Variants in HTT observed in about 807,000 individuals in gnomAD.
HTT encodes the protein huntington disease protein.
Under a neutral mutation model 362.3 loss-of-function variants are expected in HTT, and 104 were observed. That is an observed-to-expected ratio of 0.29 (90% CI 0.24 to 0.34). The LOEUF (loss-of-function observed/expected upper bound fraction) is 0.34, where lower values mean the gene tolerates loss of function less well. Ranked by LOEUF, HTT falls within the 10% of genes least tolerant of loss-of-function variation. The pLI is 1.00. For synonymous variants in HTT, 1,577 were observed against 1,548.7 expected (o/e 1.02, Z -0.43); for missense variants, 3,301 against 3,928.6 (o/e 0.84, Z 4.27).
At chr4:3,158,903 A>G (rs6839274) in intron 28 of HTT, among the ~76,000 whole-genome samples, 26,499 of 151,858 alleles carry the variant, frequency 0.17, 3,410 homozygotes, top group African/African-American at 0.37. Flanking sequence ...AGTGCTTGCT[A>G]TCTGTTTATT....
chr4:3,111,448 C>A (rs1383722850), intron 6 of HTT, among the ~76,000 whole-genome samples: 1 of 152,156 alleles, frequency 6.6e-6, no homozygotes, highest in Non-Finnish European at 1.5e-5. Flanking sequence ...CCTGCCTTGG[C>A]CTCCGAAAGT....
chr4:3,133,211 C>T (rs1461826489), intron 18 of HTT, among the ~76,000 whole-genome samples: 6 of 151,688 alleles, frequency 4.0e-5, no homozygotes, highest in Non-Finnish European at 7.4e-5. Flanking sequence ...ATGCTGGGCA[C>T]GGTGACTCAC....
intron 65 of HTT, 42 bp from the exon 66 acceptor site, chr4:3,238,775 TC>T: frequency 3.9e-6 from 5 of 1,296,712 alleles, no homozygotes; most frequent in African/African-American, 1.6e-5. Context: ...GTGCTTCCCG[TC>T]CCCCCAGCCC....
chr4:3,138,065 G>GTTCCTTCCTTCCTTCC (rs57986232), intron 21 of HTT, among the ~76,000 whole-genome samples: 2 of 145,498 alleles, frequency 1.4e-5, no homozygotes, highest in Non-Finnish European at 1.5e-5. Context: ...ACATACCATT[G>GTTCCTTCCTTCCTTCC]TTCCTTCCTT....
rs759214847 is a variant in HTT, at chr4:3,223,427, A to G, written c.7492A>G (p.Ile2498Val). Reference sequence around the variant, plus strand: ...CCAGGAAGACACAGAGAGGACCCAGATCAACGTCCTGGCCGTGCAGGCCAT... The same window carrying G: ...CCAGGAAGACACAGAGAGGACCCAGGTCAACGTCCTGGCCGTGCAGGCCAT... ...PPEEDTERTQ[I>V]NVLAVQAITS... Residue 2498 changes from isoleucine to valine, a missense_variant, in exon 55 of 67, where the codon ATC (isoleucine) becomes GTC (valine). Physicochemically the swap from Ile to Val is conservative, Grantham distance 29. Coordinates refer to ENST00000355072, the MANE Select transcript of HTT (RefSeq NM_001388492.1). The G allele has an allele frequency of 6.2e-7, 1 of 1,600,788 alleles. No homozygotes were observed. Among genetic ancestry groups the G allele is most frequent in the South Asian group, 1.1e-5 (1 of 89,418 alleles).
intron 29 of HTT, among the ~76,000 whole-genome samples, chr4:3,167,822 G>T (rs1717786378): frequency 1.3e-5 from 2 of 152,130 alleles, no homozygotes; most frequent in South Asian, 2.1e-4. Flanking sequence ...TTTACATTTG[G>T]CATAAGAATA....
intron 3 of HTT, among the ~76,000 whole-genome samples, chr4:3,100,187 C>G (rs2110156293): frequency 6.6e-6 from 1 of 152,200 alleles, no homozygotes; most frequent in East Asian, 1.9e-4. Flanking sequence ...AAAATGGGAT[C>G]AATGTTTTTG....
chr4:3,178,461 C>T lies in HTT; in HGVS notation c.4612+15C>T. On this transcript the variant is annotated intron_variant, in intron 35 of 66. Transcript: ENST00000355072. ...TGTGACACATGGTAACGGGACACAC[C>T]TTTCACTGTCGTCTTCGGTGTCGTG... The T allele has an allele frequency of 1.2e-6, 2 of 1,611,388 alleles. No individual in the cohort carries two copies. The highest frequency in any genetic ancestry group is 1.7e-6 in the Non-Finnish European group (2 of 1,178,752).
intron 12 of HTT, chr4:3,128,439 T>A (rs182890479): frequency 1.3e-5 from 2 of 152,326 alleles, no homozygotes; most frequent in African/African-American, 4.8e-5. Flanking sequence ...GTTGATTATA[T>A]GAACTCTGCT....
At chr4:3,103,296 C>G (rs1305819157) in intron 3 of HTT, among the ~76,000 whole-genome samples, 1 of 137,050 alleles carries the variant, frequency 7.3e-6, no homozygotes, top group Non-Finnish European at 1.5e-5. Context: ...GTGATCTTGG[C>G]TCACTGCAAC....
At chr4:3,178,045 C>T (rs188828522) in intron 34 of HTT, among the ~76,000 whole-genome samples, 214 of 152,284 alleles carry the variant, frequency 1.4e-3, no homozygotes, top group Non-Finnish European at 2.1e-3. Flanking sequence ...CTAGGAAGAT[C>T]GTAGCTGCTG....
intron 46 of HTT, 42 bp from the exon 47 acceptor site, chr4:3,209,785 C>G (rs763699202): frequency 2.4e-5 from 38 of 1,608,028 alleles, no homozygotes; most frequent in Non-Finnish European, 3.2e-5. Context: ...TCCCCTTGAA[C>G]GCCGCCCATC....
chr4:3,107,033 A>G (rs1331051777), intron 5 of HTT, among the ~76,000 whole-genome samples: 1 of 152,244 alleles, frequency 6.6e-6, no homozygotes, highest in East Asian at 1.9e-4. Flanking sequence ...TTTAAGAAGT[A>G]TTATGATTTA....
At chr4:3,225,155 G>T (rs569502816) in intron 56 of HTT, among the ~76,000 whole-genome samples, 1 of 152,042 alleles carries the variant, frequency 6.6e-6, no homozygotes, top group South Asian at 2.1e-4. Context: ...CCTGGGGCGT[G>T]GGGGGGTGTG....
intron 53 of HTT, 36 bp downstream of exon 53, chr4:3,220,344 C>T (rs370177554): frequency 2.6e-5 from 42 of 1,596,692 alleles, no homozygotes; most frequent in African/African-American, 1.5e-4. Context: ...TCACCATTGT[C>T]GGACATCTAC....
chr4:3,154,362 C>T lies in HTT; in HGVS notation c.3568C>T (p.Pro1190Ser), dbSNP rs1204551204. Residue 1190 changes from proline to serine, a missense_variant, in exon 27 of 67, where the codon CCA (proline) becomes TCA (serine). Physicochemically the swap from Pro to Ser is moderately conservative, Grantham distance 74. This residue lies in a region of HTT where 2,316 missense variants were observed against 2,658.5 expected (regional missense o/e 0.87). Transcript: ENST00000355072. Reference sequence around the variant, plus strand: ...CCGACGAAAGGGGAAGGAGAAAGAACCAGGAGAACAAGCATCTGTACCGTT... The same window carrying T: ...CCGACGAAAGGGGAAGGAGAAAGAATCAGGAGAACAAGCATCTGTACCGTT... ...PIRRKGKEKE[P>S]GEQASVPLSP... 3 of 1,613,582 alleles carry T rather than the reference C, an allele frequency of 1.9e-6. No homozygotes were observed. Among genetic ancestry groups the T allele is most frequent in the Non-Finnish European group, 2.5e-6 (3 of 1,179,852 alleles).
Position 3,116,177 on chromosome 4 carries a change from C to T in HTT, c.982C>T (p.Gln328Ter). The change falls in exon 8 of 67, where the codon CAG becomes TAG. Residue 328 changes from glutamine to a stop codon, truncating the protein, a stop_gained. Coordinates refer to ENST00000355072, the MANE Select transcript of HTT (RefSeq NM_001388492.1). LOFTEE classifies it high-confidence loss of function. ...GTATTTGGTGCCCTTGCTGCAGCAG[C>T]AGGTCAAGGACACAAGCCTGAAAGG... ...LRYLVPLLQQQVKDTSLKGSF... is the reference protein window; with the variant it reads ...LRYLVPLLQQ The T allele has an allele frequency of 6.2e-7, 1 of 1,613,894 alleles. No homozygotes were observed. Among genetic ancestry groups the T allele is most frequent in the Non-Finnish European group, 8.5e-7 (1 of 1,179,784 alleles).
At chr4:3,192,466 C>T (rs1436986001) in intron 40 of HTT, among the ~76,000 whole-genome samples, 11 of 152,162 alleles carry the variant, frequency 7.2e-5, no homozygotes, top group Admixed American at 5.2e-4. Context: ...GTTCTCAGCC[C>T]CTCAAGTAGG....
At chr4:3,162,641 A>G (rs1299673920) in intron 29 of HTT, among the ~76,000 whole-genome samples, 1 of 152,152 alleles carries the variant, frequency 6.6e-6, no homozygotes, top group Non-Finnish European at 1.5e-5. Context: ...GGTCCTTCAC[A>G]TCCCTTGTAA....
Sources: gnomAD v4.1 joint callset for allele counts (sites outside exome capture counted in the v4.1 genomes callset) on GRCh38, gnomAD v4.1.1 for gene constraint, gnomAD v4.1.1 regional missense constraint, MANE v1.5 for transcripts, NCBI Gene and HGNC (gene_info 2026-07-23, HGNC 2026-07-21) for gene names.